RYR1: variants seen among roughly 807,000 people sequenced by gnomAD.
The protein encoded by RYR1 is ryanodine receptor 1.
In RYR1, 342 loss-of-function variants were observed where a neutral mutation model predicts 583.5. That is an observed-to-expected ratio of 0.59 (90% confidence interval 0.54 to 0.64). The LOEUF (loss-of-function observed/expected upper bound fraction) is 0.64. Among genes scored for constraint, RYR1 ranks in the 30% least tolerant of loss-of-function variants. RYR1 has a pLI of 0.00. For missense variants in RYR1, 6,032 were observed against 6,917.2 expected (o/e 0.87, Z 4.54); for synonymous variants, 2,791 against 2,822.5 (o/e 0.99, Z 0.35).
intron 87 of RYR1, among the ~76,000 whole-genome samples, chr19:38,544,347 A>G (rs1362492168): frequency 6.6e-6 from 1 of 152,158 alleles, no homozygotes; most frequent in Admixed American, 6.6e-5. Context: ...TTCCATTTCC[A>G]TAATCCTTGT....
rs377185497 is a variant in RYR1 at position 38,473,476 on chromosome 19, C to T, written c.3865C>T (p.Arg1289Trp). ...CAGCCTGGTGGAGATGCTTTTCCTG[C>T]GGCTGAGCCTCCCAGTCCAGTTCCA... ...QNSLVEMLFL[R>W]LSLPVQFHQH... Residue 1289 changes from arginine (R) to tryptophan (W), a missense_variant, in exon 28 of 106, where the codon CGG becomes TGG. Around this residue, in one of 11 missense-constraint regions of RYR1, gnomAD observed 2,627 missense variants for 2,961.3 expected, o/e 0.89. Coordinates refer to ENST00000359596, the MANE Select transcript of RYR1 (RefSeq NM_000540.3). 3 of 1,613,838 alleles carry T rather than the reference C, an allele frequency of 1.9e-6. No homozygotes were observed. Among genetic ancestry groups the T allele is most frequent in the Non-Finnish European group, 2.5e-6 (3 of 1,179,918 alleles).
chr19:38,494,147 C>A (rs1338872357), intron 38 of RYR1, among the ~76,000 whole-genome samples: 1 of 152,090 alleles, frequency 6.6e-6, no homozygotes, highest in Admixed American at 6.5e-5. Context: ...CTAGCCTGGG[C>A]AACAGAGCAA....
At chr19:38,523,007 C>A (rs370831642) in intron 67 of RYR1, 21 bp from the exon 68 acceptor site, 180 of 1,561,568 alleles carry the variant, frequency 1.2e-4, no homozygotes, top group Non-Finnish European at 4.9e-5. Context: ...CCCTCCCTCA[C>A]CTCCCCTCCG....
chr19:38,520,337 A>C (rs566236168), intron 67 of RYR1, among the ~76,000 whole-genome samples: 3 of 148,506 alleles, frequency 2.0e-5, no homozygotes, highest in Non-Finnish European at 4.5e-5. Flanking sequence ...AAGTGTTGGG[A>C]TTACAGAAGT....
chr19:38,533,155 G>A (rs1270114316), intron 78 of RYR1, among the ~76,000 whole-genome samples: 2 of 152,106 alleles, frequency 1.3e-5, no homozygotes, highest in African/African-American at 2.4e-5. Context: ...GGGGACTTCT[G>A]AGCAGAAGGA....
chr19:38,512,174 G>T lies in RYR1; in HGVS notation c.9233+42G>T, dbSNP rs901898836. The T allele has an allele frequency of 1.2e-6, 2 of 1,613,540 alleles. No individual in the cohort carries two copies. Among genetic ancestry groups the T allele is most frequent in the African/African-American group, 2.7e-5 (2 of 74,904 alleles). ...TGGCGCCCACTCCCACCATCATCGG[G>T]CCCCCACCCCAACCCCTGGTCTCCT... On this transcript the variant is annotated intron_variant, in intron 62 of 105. Transcript: ENST00000359596. This position sits in a 1 kb window ranked among gnomAD's most constrained non-coding sequence, Gnocchi z 5.1.
intron 96 of RYR1, among the ~76,000 whole-genome samples, chr19:38,574,302 AAAAG>A (rs975265126): frequency 7.3e-5 from 11 of 151,478 alleles, no homozygotes; most frequent in African/African-American, 1.9e-4. Flanking sequence ...GGAAAAAAAA[AAAAG>A]AAAGAAAAGA....
chr19:38,511,066 T>C (rs1970705670), intron 60 of RYR1, among the ~76,000 whole-genome samples: 1 of 151,738 alleles, frequency 6.6e-6, no homozygotes, highest in Non-Finnish European at 1.5e-5. Context: ...GAAGCTGAGG[T>C]GGGAAGATCA....
chr19:38,519,489 C>T, intron 67 of RYR1, 35 bp downstream of exon 67: 2 of 1,568,996 alleles, frequency 1.3e-6, no homozygotes, highest in Non-Finnish European at 8.6e-7. Context: ...TGCCCTCCGC[C>T]CCGACCTCCC....
At position 38,543,306 on chromosome 19, in the gene RYR1, C is replaced by A. The variant is rs1413614148; in HGVS notation, c.11690-41C>A. On this transcript the variant is annotated intron_variant, in intron 84 of 105. Transcript: ENST00000359596. This position sits in a 1 kb window ranked among gnomAD's most constrained non-coding sequence, Gnocchi z 4.4. ...ATGACCCACTGTTCATCTCCCCTAG[C>A]ACATGGGAGGTGCTGGATAAATGAC... 6.5e-7 allele frequency: 1 copy of A among 1,547,340 alleles called. No individual in the cohort carries two copies. Among genetic ancestry groups the A allele is most frequent in the Non-Finnish European group, 8.9e-7 (1 of 1,119,136 alleles).
Position 38,464,740 on chromosome 19 carries a change from G to T in RYR1, c.2870+18G>T. 1 of 1,561,074 alleles carries T rather than the reference G, an allele frequency of 6.4e-7. No homozygotes were observed. Among genetic ancestry groups the T allele is most frequent in the Non-Finnish European group, 8.7e-7 (1 of 1,151,278 alleles). ...CCCAAGACGTGAGTGTGGGCAGCCAGGTCCCGTCTGGGGATGGACTGGGGG... is the reference window on the plus strand; with the variant it reads ...CCCAAGACGTGAGTGTGGGCAGCCATGTCCCGTCTGGGGATGGACTGGGGG... On this transcript the variant is annotated intron_variant, in intron 23 of 105. Transcript: ENST00000359596.
At position 38,452,670 on chromosome 19, in the gene RYR1, C is replaced by T. The variant is rs189337686; in HGVS notation, c.1245-149C>T. The T allele has an allele frequency of 2.9e-4, 213 of 738,722 alleles. 3 individuals are homozygous for T. The Admixed American group carries it at 4.6e-3, about 16-fold the overall frequency. 45.8% of individuals were successfully genotyped at this position (738,722 alleles called of 1,614,324 possible). Reference sequence around the variant, plus strand: ...TCTGCCCTTGGCCATTGTGTGACCTCGGACAAATGCTTTTCCCTCTCTGCG... The same window carrying T: ...TCTGCCCTTGGCCATTGTGTGACCTTGGACAAATGCTTTTCCCTCTCTGCG... On this transcript the variant is annotated intron_variant, in intron 12 of 105. Transcript: ENST00000359596.
chr19:38,480,609 A>C (rs562611319), intron 31 of RYR1, among the ~76,000 whole-genome samples: 5 of 152,318 alleles, frequency 3.3e-5, no homozygotes, highest in African/African-American at 9.6e-5. Context: ...AGAAAAAAAA[A>C]CAATAGTTTC....
At chr19:38,441,212 G>A (rs1378612076) in intron 2 of RYR1, among the ~76,000 whole-genome samples, 3 of 149,084 alleles carry the variant, frequency 2.0e-5, no homozygotes, top group Admixed American at 2.0e-4. Context: ...GGGCTGGTTG[G>A]GGAACGGGTC....
chr19:38,472,049 C>A (rs947066645), intron 27 of RYR1, among the ~76,000 whole-genome samples: 5 of 151,844 alleles, frequency 3.3e-5, no homozygotes, highest in Admixed American at 3.3e-4. Context: ...TGAAAGAGAA[C>A]AACTTTCATT....
In RYR1 at chr19:38,483,385, A is replaced by G; in HGVS notation, c.4803A>G (p.Pro1601=). 1 of 1,567,404 alleles carries G rather than the reference A, an allele frequency of 6.4e-7. No individual in the cohort carries two copies. The highest frequency in any genetic ancestry group is 1.3e-5 in the African/African-American group (1 of 74,172). Residue 1601 remains proline, a synonymous_variant, in exon 33 of 106, where the codon CCA becomes CCG. Transcript: ENST00000359596. The surrounding 1 kb of genome is among the most constrained non-coding windows in gnomAD (Gnocchi z 6.3). ...GGCTGGAGATGCAGATGCTGATGCC[A>G]GTGTCCTGGAGCCGCATGCCCAACC... ...PPRLEMQMLM[P]VSWSRMPNHF... is the part of the protein sequence containing the mutation.
chr19:38,442,686 C>T (rs1178313159), intron 3 of RYR1, among the ~76,000 whole-genome samples: 1 of 152,174 alleles, frequency 6.6e-6, no homozygotes, highest in Admixed American at 6.5e-5. Flanking sequence ...AGGCCCGTCT[C>T]TCAGGCCCAC....
rs1218148481 is a variant in RYR1, at chr19:38,578,168, C to T, written c.14328C>T (p.Tyr4776=). Residue 4776 remains tyrosine (Y), a synonymous_variant, in exon 99 of 106, where the codon TAC becomes TAT. Coordinates refer to ENST00000359596, the MANE Select transcript of RYR1 (RefSeq NM_000540.3). ...LTWLMSIDVK[Y]QIWKFGVIFT... ...GGCTCATGTCCATCGATGTCAAGTA[C>T]CAGATCTGGAAGTTCGGGGTCATCT... The T allele has an allele frequency of 3.1e-6, 5 of 1,613,738 alleles. No individual in the cohort carries two copies. The South Asian group carries it at 4.4e-5, about 14-fold the overall frequency.
Position 38,512,306 on chromosome 19 carries a change from G to T in RYR1, c.9295G>T (p.Ala3099Ser). The change falls in exon 63 of 106, where the codon GCC becomes TCC. Residue 3099 changes from alanine (A) to serine (S), a missense_variant. Ala to Ser is a moderately conservative substitution (Grantham distance 99). Coordinates refer to ENST00000359596, the MANE Select transcript of RYR1 (RefSeq NM_000540.3). The surrounding 1 kb of genome is among the most constrained non-coding windows in gnomAD (Gnocchi z 5.1). ...TGGCCTCCGCTCCTTCTTCGAGAGTGCCTCGGAGGACATCGAGAAGATGGT... is the reference window on the plus strand; with the variant it reads ...TGGCCTCCGCTCCTTCTTCGAGAGTTCCTCGGAGGACATCGAGAAGATGGT... ...KAGLRSFFES[A>S]SEDIEKMVEN... 6.2e-7 allele frequency: 1 copy of T among 1,614,224 alleles called. No individual in the cohort carries two copies. Among genetic ancestry groups the T allele is most frequent in the Middle Eastern group, 1.6e-4 (1 of 6,062 alleles).
Sources: allele counts gnomAD v4.1 joint callset (sites outside exome capture counted in the v4.1 genomes callset), GRCh38; gene constraint gnomAD v4.1.1; regional missense constraint gnomAD v4.1.1; non-coding constraint Gnocchi (gnomAD v3.1); transcripts MANE v1.5; gene names NCBI Gene and HGNC (gene_info 2026-07-23, HGNC 2026-07-21).